Variants in TAF12 observed in about 807,000 individuals in gnomAD.
TAF12 encodes the protein transcription initiation factor TFIID subunit 12.
A neutral mutation model predicts 20.8 loss-of-function variants in TAF12; 3 were observed. The ratio of observed to expected loss-of-function variants is 0.14; its 90% confidence interval spans 0.07 to 0.37. The LOEUF (loss-of-function observed/expected upper bound fraction) is 0.37. TAF12 is among the 10% of genes least tolerant of loss of function. The pLI is 1.00. For missense variants in TAF12, 131 were observed against 197.9 expected, an observed-to-expected ratio of 0.66 and a Z score of 2.03; for synonymous variants, 69 against 70.2, an observed-to-expected ratio of 0.98 and a Z score of 0.09.
chr1:28,610,040 G>A (rs533852539), intron 4 of TAF12, among the ~76,000 whole-genome samples: 3 of 151,720 alleles, frequency 2.0e-5, no homozygotes. Flanking sequence ...GCAGTGGCAA[G>A]ATCTTGGCTC....
chr1:28,648,243 T>G, exon 1 of TAF12: 1 of 985,380 alleles, frequency 1.0e-6, no homozygotes, highest in Non-Finnish European at 1.2e-6. Context: ...ATGAGACGCC[T>G]TCTGTCGTGA....
intron 1 of TAF12, among the ~76,000 whole-genome samples, chr1:28,635,445 A>C (rs962953523): frequency 1.2e-4 from 18 of 150,690 alleles, no homozygotes; most frequent in African/African-American, 4.1e-4. Context: ...AGCTGGGTCT[A>C]CAGGCGCCTG....
intron 4 of TAF12, among the ~76,000 whole-genome samples, chr1:28,606,062 G>A (rs1450984246): frequency 2.0e-5 from 3 of 151,978 alleles, no homozygotes; most frequent in Admixed American, 1.3e-4. Context: ...GCAGTGGTGC[G>A]ATCTCGGCTC....
At position 28,619,541 on chromosome 1, in the gene TAF12, GA is replaced by G. The variant is rs779713163; in HGVS notation, c.169-1512del. On this transcript the variant is annotated intron_variant, in intron 2 of 5. Coordinates refer to ENST00000373824, the MANE Select transcript of TAF12 (RefSeq NM_005644.4). Reference sequence around the variant, plus strand: ...AAAAAATATATAAAAAATAAATTAAGAAAAAAGAAAAAGTTAGGCACTTGAC... The same window carrying G: ...AAAAAATATATAAAAAATAAATTAAGAAAAAGAAAAAGTTAGGCACTTGAC... Among the ~76,000 whole-genome samples, 5 of 136,448 alleles carry G rather than the reference GA, an allele frequency of 3.7e-5. No individual in the cohort carries two copies. The East Asian group carries it at 8.6e-4, about 23-fold the overall frequency. 89.5% of individuals were successfully genotyped at this position (136,448 alleles called of 152,430 possible).
intron 2 of TAF12, among the ~76,000 whole-genome samples, chr1:28,619,866 C>T (rs1390105477): frequency 6.6e-6 from 1 of 150,912 alleles, no homozygotes; most frequent in East Asian, 2.0e-4. Context: ...AGGAGAATAG[C>T]TTGAATTGGG....
chr1:28,648,033 A>C (rs187346726), upstream of TAF12, among the ~76,000 whole-genome samples: 2 of 152,224 alleles, frequency 1.3e-5, no homozygotes, highest in Admixed American at 1.3e-4. Flanking sequence ...AGCATATAGC[A>C]TGCCACAATA....
At chr1:28,630,444 C>T (rs1667577332) in intron 1 of TAF12, among the ~76,000 whole-genome samples, 1 of 151,886 alleles carries the variant, frequency 6.6e-6, no homozygotes, top group Non-Finnish European at 1.5e-5. Context: ...ATCTAAGCTA[C>T]TCGAGGCTGA....
intron 4 of TAF12, among the ~76,000 whole-genome samples, chr1:28,608,117 G>A (rs1214005692): frequency 6.7e-6 from 1 of 148,226 alleles, no homozygotes; most frequent in Non-Finnish European, 1.5e-5. Flanking sequence ...GGATCACAAA[G>A]TCAGGAGATC....
In TAF12 at chr1:28,639,624, T is replaced by C. The variant is rs893470795; in HGVS notation, c.-85+3368A>G. ...GAATAAATTATCATTAATTAAACCA[T>C]CAAGTACTTTGAAGTGGTGACATGG... On this transcript the variant is annotated intron_variant, in intron 1 of 5. Transcript: ENST00000373824. Among the ~76,000 whole-genome samples the C allele has an allele frequency of 2.0e-5, 3 of 152,086 alleles. 1 individual carries two copies. The highest frequency in any genetic ancestry group is 4.4e-5 in the Non-Finnish European group (3 of 68,022).
rs58772752 is a variant in TAF12, at chr1:28,639,426, C to CAAAAAAAAAAAAA, written c.-85+3553_-85+3565dup. 2.3e-4 allele frequency among the ~76,000 whole-genome samples: 21 copies of CAAAAAAAAAAAAA among 89,540 alleles called. 1 individual carries two copies. The highest frequency in any genetic ancestry group is 4.8e-4 in the Admixed American group (4 of 8,300). The allele number at this position is 89,540 out of a possible 152,430, so 58.7% of individuals were successfully genotyped here. ...AGTGAAAGAGCGAAACTCCGTCTCA[C>CAAAAAAAAAAAAA]AAAAAAAAAAAAAAAGGTAATATGT... On this transcript the variant is annotated intron_variant, in intron 1 of 5. Transcript: ENST00000373824.
At chr1:28,617,220 T>G (rs1667071105) in intron 3 of TAF12, among the ~76,000 whole-genome samples, 1 of 152,166 alleles carries the variant, frequency 6.6e-6, no homozygotes, top group Non-Finnish European at 1.5e-5. Flanking sequence ...GCTAAAATTG[T>G]TGAAAGTGAT....
At chr1:28,631,296 C>A (rs760919556) in intron 1 of TAF12, among the ~76,000 whole-genome samples, 4 of 150,864 alleles carry the variant, frequency 2.7e-5, no homozygotes, top group Non-Finnish European at 5.9e-5. Flanking sequence ...CCGAGGCAGG[C>A]AGATCACCTG....
intron 1 of TAF12, among the ~76,000 whole-genome samples, chr1:28,635,120 C>G (rs1195235858): frequency 6.8e-6 from 1 of 147,870 alleles, no homozygotes; most frequent in Non-Finnish European, 1.5e-5. Flanking sequence ...GTCCCAGCTA[C>G]TCCGGAGGCT....
chr1:28,629,342 T>G (rs1284421879), intron 1 of TAF12, among the ~76,000 whole-genome samples: 2 of 152,144 alleles, frequency 1.3e-5, no homozygotes, highest in Admixed American at 6.6e-5. Context: ...TTTCTTCCTG[T>G]TTTTTGTTTC....
At chr1:28,642,594 G>A (rs940018965) in intron 1 of TAF12, 1 of 970,972 alleles carries the variant, frequency 1.0e-6, no homozygotes, top group African/African-American at 1.8e-5. Context: ...TTAGGAGCCC[G>A]GGTCTTCACT....
chr1:28,627,184 CG>C (rs1227015543), intron 1 of TAF12, among the ~76,000 whole-genome samples: 3 of 151,058 alleles, frequency 2.0e-5, no homozygotes, highest in African/African-American at 7.3e-5. Context: ...GTCAGGGGTT[CG>C]AGACCAGCCT....
chr1:28,613,142 C>A (rs925243634), intron 4 of TAF12, 105 bp downstream of exon 4: 24 of 814,922 alleles, frequency 2.9e-5, no homozygotes, highest in Middle Eastern at 4.7e-4. Context: ...AATCCCAGTG[C>A]CCAAAAGTCT....
chr1:28,629,630 C>T (rs544510514), intron 1 of TAF12, among the ~76,000 whole-genome samples: 50 of 152,138 alleles, frequency 3.3e-4, no homozygotes, highest in Middle Eastern at 3.2e-3. Context: ...GCCACTGCAA[C>T]AGGCCTTGGG....
Position 28,603,438 on chromosome 1 carries a change from C to T in TAF12, c.*101G>A. On this transcript the variant is annotated 3_prime_UTR_variant, in exon 6 of 6. Transcript: ENST00000373824. ...CTGTTAATAAAAAATATATGCTTCTCTGTAAAGCATTAAAAAAAAAAATCC... is the reference window on the plus strand; with the variant it reads ...CTGTTAATAAAAAATATATGCTTCTTTGTAAAGCATTAAAAAAAAAAATCC... 2 of 1,236,232 alleles carry T rather than the reference C, an allele frequency of 1.6e-6. No homozygotes were observed. Among genetic ancestry groups the T allele is most frequent in the South Asian group, 2.5e-5 (2 of 80,962 alleles). 76.6% of individuals were successfully genotyped at this position (1,236,232 alleles called of 1,614,324 possible).
Sources: allele counts gnomAD v4.1 joint callset (sites outside exome capture counted in the v4.1 genomes callset), GRCh38; gene constraint gnomAD v4.1.1; transcripts MANE v1.5; gene names NCBI Gene and HGNC (gene_info 2026-07-23, HGNC 2026-07-21).